The following MX1 variants were observed in gnomAD, a reference collection of about 807,000 sequenced individuals.
MX1 encodes MX dynamin like GTPase 1.
Under a neutral mutation model 66.4 loss-of-function variants are expected in MX1, and 66 were observed. The observed-to-expected ratio is 0.99, with a 90% CI of 0.82 to 1.22. MX1 has a LOEUF of 1.22. MX1 is among the 50% of genes most tolerant of loss of function. The pLI is 0.00. For missense variants in MX1, 787 were observed against 834.3 expected, an observed-to-expected ratio of 0.94 and a Z score of 0.70; for synonymous variants, 311 against 318.1, an observed-to-expected ratio of 0.98 and a Z score of 0.24.
Position 41,449,313 on chromosome 21 carries a change from C to A in MX1, c.1432+18C>A. On this transcript the variant is annotated intron_variant, in intron 14 of 16. Transcript: ENST00000398598. ...CGTGACGGGTGAGTGCTCAGTTTCACCTCTGAGCATTGATTTCTAAAGAAA... is the reference window on the plus strand; with the variant it reads ...CGTGACGGGTGAGTGCTCAGTTTCAACTCTGAGCATTGATTTCTAAAGAAA... 1 of 1,593,952 alleles carries A rather than the reference C, an allele frequency of 6.3e-7. No homozygotes were observed. Among genetic ancestry groups the A allele is most frequent in the Non-Finnish European group, 8.5e-7 (1 of 1,172,308 alleles).
Position 41,451,202 on chromosome 21 carries a change from A to C in MX1, c.1468A>C (p.Lys490Gln). 6.2e-7 allele frequency: 1 copy of C among 1,613,106 alleles called. No individual in the cohort carries two copies. Among genetic ancestry groups the C allele is most frequent in the Non-Finnish European group, 8.5e-7 (1 of 1,179,342 alleles). The change falls in exon 15 of 17, where the codon AAA (lysine) becomes CAA (glutamine). Residue 490 changes from lysine to glutamine, a missense_variant. Lys to Gln is a moderately conservative substitution (Grantham distance 53). Transcript: ENST00000398598. ...VRLAFTDVSI[K>Q]NFEEFFNLHR... is the part of the protein sequence containing the mutation. ...GCTTGCTTTCACAGATGTTTCGATA[A>C]AAAATTTTGAAGAGTTTTTTAACCT...
Position 41,441,268 on chromosome 21 carries a change from C to T in MX1, c.730+243C>T. 1 of 516,166 alleles carries T rather than the reference C, an allele frequency of 1.9e-6. No homozygotes were observed. The highest frequency in any genetic ancestry group is 1.9e-5 in the African/African-American group (1 of 52,526). 32.0% of individuals were successfully genotyped at this position (516,166 alleles called of 1,614,324 possible). A position where few individuals can be genotyped will look rare whatever the true frequency, so the allele number is the denominator to read the frequency against. ...ACCTGCTAAGGGAGCAGGTTTGGTG[C>T]CCACCAAGGCCAAGTGAAATGAGCT... On this transcript the variant is annotated intron_variant, in intron 9 of 16. Coordinates refer to ENST00000398598, the MANE Select transcript of MX1 (RefSeq NM_002462.5). This position sits in a 1 kb window ranked among gnomAD's most constrained non-coding sequence, Gnocchi z 4.0.
At chr21:41,431,935 A>G in intron 4 of MX1, 115 bp from the exon 5 acceptor site, 1 of 730,142 alleles carries the variant, frequency 1.4e-6, no homozygotes, top group Non-Finnish European at 2.3e-6. Context: ...ATCACCATGA[A>G]CAACTAGTCA....
At chr21:41,436,441 C>T (rs1318429892) in intron 6 of MX1, among the ~76,000 whole-genome samples, 1 of 152,168 alleles carries the variant, frequency 6.6e-6, no homozygotes, top group Non-Finnish European at 1.5e-5. Flanking sequence ...ATTTTTTTCA[C>T]ATAAGTCATA....
At chr21:41,449,036 G>A in intron 13 of MX1, 101 bp from the exon 14 acceptor site, 1 of 1,072,190 alleles carries the variant, frequency 9.3e-7, no homozygotes, top group Non-Finnish European at 1.3e-6. Flanking sequence ...ACTTTTTCTT[G>A]CCATTTATAT....
At chr21:41,424,421 C>A (rs186816336), upstream of MX1, among the ~76,000 whole-genome samples, 311 of 152,294 alleles carry the variant, frequency 2.0e-3, 1 homozygote, top group Non-Finnish European at 2.6e-3. Flanking sequence ...GGCTCCTCCC[C>A]CTCTTGTAGG....
chr21:41,447,420 A>G (rs2090694203), intron 13 of MX1, among the ~76,000 whole-genome samples: 1 of 152,162 alleles, frequency 6.6e-6, no homozygotes, highest in South Asian at 2.1e-4. Context: ...CCGTAACACC[A>G]AGTCCTGGAA....
chr21:41,424,512 G>A (rs537973416), upstream of MX1, among the ~76,000 whole-genome samples: 74 of 152,278 alleles, frequency 4.9e-4, no homozygotes, highest in Non-Finnish European at 9.3e-4. Context: ...GGGCCTTGAG[G>A]TTGGTTGGGG....
chr21:41,439,548 C>A (rs893957190), intron 7 of MX1, 146 bp from the exon 8 acceptor site: 1 of 796,204 alleles, frequency 1.3e-6, no homozygotes, highest in East Asian at 2.5e-5. Context: ...TCTCTTTTAT[C>A]CCAATCACAG....
rs1181906595 is a variant in MX1, at chr21:41,441,567, C to A, written c.731-149C>A. 2.1e-5 allele frequency: 16 copies of A among 778,552 alleles called. No individual in the cohort carries two copies. Among genetic ancestry groups the A allele is most frequent in the Non-Finnish European group, 2.2e-6 (1 of 459,740 alleles). The allele number at this position is 778,552 out of a possible 1,614,324, so 48.2% of individuals were successfully genotyped here. On this transcript the variant is annotated intron_variant, in intron 9 of 16. Coordinates refer to ENST00000398598, the MANE Select transcript of MX1 (RefSeq NM_002462.5). This position sits in a 1 kb window ranked among gnomAD's most constrained non-coding sequence, Gnocchi z 4.0. ...TGGAGTTCTTTTCTGGAGCGGGGCT[C>A]CACTGCCCCCATGGTTCTGCAGGGG...
intron 7 of MX1, 73 bp downstream of exon 7, chr21:41,437,225 TC>T: frequency 6.5e-7 from 1 of 1,549,184 alleles, no homozygotes; most frequent in Non-Finnish European, 8.8e-7. Flanking sequence ...CTGTTCATAC[TC>T]CCACCTCCCT....
Position 41,458,566 on chromosome 21 carries a change from C to G in MX1, c.1797C>G (p.Ile599Met). 1 of 1,611,418 alleles carries G rather than the reference C, an allele frequency of 6.2e-7. No individual in the cohort carries two copies. Among genetic ancestry groups the G allele is most frequent in the South Asian group, 1.1e-5 (1 of 90,804 alleles). Residue 599 changes from isoleucine (I) to methionine (M), a missense_variant, in exon 17 of 17, where the codon ATC becomes ATG. Transcript: ENST00000398598. ...GCATCTCCAGCCACATCCCTTTGAT[C>G]ATCCAGTTCTTCATGCTCCAGACGT... Reference protein sequence around the residue: ...SKRISSHIPLIIQFFMLQTYG... With the variant: ...SKRISSHIPLMIQFFMLQTYG...
intron 13 of MX1, among the ~76,000 whole-genome samples, 155 bp downstream of exon 13, chr21:41,446,296 C>G (rs1048787763): frequency 6.6e-6 from 1 of 152,192 alleles, no homozygotes; most frequent in African/African-American, 2.4e-5. Context: ...AGCTTGTTCT[C>G]TGCTTCAAAG....
chr21:41,441,207 A>G lies in MX1; in HGVS notation c.730+182A>G, dbSNP rs2090502544. 3 of 918,992 alleles carry G rather than the reference A, an allele frequency of 3.3e-6. No individual in the cohort carries two copies. In the African/African-American group the frequency reaches 5.0e-5, roughly 15 times the overall value. 56.9% of individuals were successfully genotyped at this position (918,992 alleles called of 1,614,324 possible). On this transcript the variant is annotated intron_variant, in intron 9 of 16. Transcript: ENST00000398598. This position sits in a 1 kb window ranked among gnomAD's most constrained non-coding sequence, Gnocchi z 4.0. Reference sequence around the variant, plus strand: ...GTGGGCAAGCGTCCCTCCAGTCTCCATGGGCTTTGCTCAGTGGGGACCTGC... The same window carrying G: ...GTGGGCAAGCGTCCCTCCAGTCTCCGTGGGCTTTGCTCAGTGGGGACCTGC...
In MX1 at chr21:41,452,726, A is replaced by G; in HGVS notation, c.1615A>G (p.Arg539Gly). Residue 539 changes from arginine to glycine, a missense_variant, in exon 16 of 17, where the codon AGG (arginine) becomes GGG (glycine). By Grantham distance (125) the Arg-to-Gly change is moderately radical. Coordinates refer to ENST00000398598, the MANE Select transcript of MX1 (RefSeq NM_002462.5). Reference protein sequence around the residue: ...QIVYCQDQVYRGALQKVREKE... With the variant: ...QIVYCQDQVYGGALQKVREKE... ...TGTCTACTGCCAGGACCAGGTATAC[A>G]GGGGTGCATTGCAGAAGGTCAGAGA... is the stretch of plus-strand genomic sequence containing the variant. The G allele has an allele frequency of 1.2e-6, 2 of 1,614,188 alleles. No individual in the cohort carries two copies. Among genetic ancestry groups the G allele is most frequent in the Non-Finnish European group, 1.7e-6 (2 of 1,180,028 alleles).
At chr21:41,434,842 G>T (rs1190185197) in intron 5 of MX1, among the ~76,000 whole-genome samples, 3 of 152,184 alleles carry the variant, frequency 2.0e-5, no homozygotes, top group Non-Finnish European at 4.4e-5. Flanking sequence ...ATACAAAAAA[G>T]TGTAGTAGTT....
intron 7 of MX1, among the ~76,000 whole-genome samples, chr21:41,439,091 G>A (rs2090438490): frequency 6.6e-6 from 1 of 151,910 alleles, no homozygotes; most frequent in Admixed American, 6.6e-5. Flanking sequence ...CATAACCACT[G>A]ATATTTCCTA....
chr21:41,459,026 G>A lies in MX1; in HGVS notation c.*268G>A, dbSNP rs533210656. ...AAAGGGATTTTCAGCCCTCAGAATC[G>A]CTCCACCTTGCAGCTCTCCCCTTCT... On this transcript the variant is annotated 3_prime_UTR_variant, in exon 17 of 17. Coordinates refer to ENST00000398598, the MANE Select transcript of MX1 (RefSeq NM_002462.5). 19 of 565,330 alleles carry A rather than the reference G, an allele frequency of 3.4e-5. No individual in the cohort carries two copies. Among genetic ancestry groups the A allele is most frequent in the African/African-American group, 5.6e-5 (3 of 53,418 alleles). 35.0% of individuals were successfully genotyped at this position (565,330 alleles called of 1,614,324 possible).
At chr21:41,453,149 G>A (rs1012495522) in intron 16 of MX1, among the ~76,000 whole-genome samples, 1 of 152,158 alleles carries the variant, frequency 6.6e-6, no homozygotes, top group African/African-American at 2.4e-5. Flanking sequence ...CTTACCTGGC[G>A]GCGGTGGCAA....
Sources: gnomAD v4.1 joint callset for allele counts (sites outside exome capture counted in the v4.1 genomes callset) on GRCh38, gnomAD v4.1.1 for gene constraint, Gnocchi (gnomAD v3.1) non-coding constraint, MANE v1.5 for transcripts, NCBI Gene and HGNC (gene_info 2026-07-23, HGNC 2026-07-21) for gene names.